Variants in NPAS3 observed in about 807,000 individuals in gnomAD.
NPAS3 encodes neuronal PAS domain-containing protein 3.
A neutral mutation model predicts 73.1 loss-of-function variants in NPAS3; 14 were observed. The observed-to-expected ratio is 0.19, with a 90% CI of 0.13 to 0.30. NPAS3 has a LOEUF of 0.30. Ranked by LOEUF, NPAS3 falls within the 10% of genes least tolerant of loss-of-function variation. NPAS3 has a pLI of 1.00. For synonymous variants in NPAS3, 620 were observed against 541.5 expected, an observed-to-expected ratio of 1.14 and a Z score of -2.01; for missense variants, 1,096 against 1,250.0, an observed-to-expected ratio of 0.88 and a Z score of 1.86.
At chr14:33,383,168 T>C (rs1488972338) in intron 4 of NPAS3, among the ~76,000 whole-genome samples, 1 of 152,032 alleles carries the variant, frequency 6.6e-6, no homozygotes, top group African/African-American at 2.4e-5. Context: ...TGAAAAAATT[T>C]CAAAATGGTT....
intron 4 of NPAS3, among the ~76,000 whole-genome samples, chr14:33,436,967 C>T (rs1186940394): frequency 6.6e-6 from 1 of 152,104 alleles, no homozygotes; most frequent in Admixed American, 6.5e-5. Flanking sequence ...AGTTCTGGCC[C>T]ACACTACCCC....
intron 5 of NPAS3, among the ~76,000 whole-genome samples, chr14:33,618,170 G>A (rs1162901519): frequency 6.6e-6 from 1 of 152,138 alleles, no homozygotes; most frequent in Non-Finnish European, 1.5e-5. Context: ...TTGGCACCAG[G>A]AACCAGTTTC....
intron 6 of NPAS3, among the ~76,000 whole-genome samples, chr14:33,710,716 GT>G (rs2060794757): frequency 6.6e-6 from 1 of 152,204 alleles, no homozygotes; most frequent in Admixed American, 6.5e-5. Context: ...TATAGGCTGA[GT>G]GTCCCTAGGA....
chr14:33,044,278 C>A (rs1043647647), intron 1 of NPAS3, among the ~76,000 whole-genome samples: 1 of 152,092 alleles, frequency 6.6e-6, no homozygotes, highest in African/African-American at 2.4e-5. Flanking sequence ...TCATTTTTGT[C>A]ATTTCTTTTC....
intron 4 of NPAS3, among the ~76,000 whole-genome samples, chr14:33,369,227 A>G (rs530135942): frequency 6.6e-6 from 1 of 152,074 alleles, no homozygotes; most frequent in African/African-American, 2.4e-5. Context: ...TGGTTGCATC[A>G]GCTGTCACAC....
intron 2 of NPAS3, among the ~76,000 whole-genome samples, chr14:33,147,730 A>AAAATATATATATATATATATAT (rs372663411): frequency 1.5e-5 from 2 of 130,384 alleles, no homozygotes; most frequent in African/African-American, 6.5e-5. Context: ...TAGAATAAAA[A>AAAATATATATATATATATATAT]ATATATATAT....
chr14:33,016,395 C>T (rs1483681689), intron 1 of NPAS3, among the ~76,000 whole-genome samples: 1 of 112,436 alleles, frequency 8.9e-6, no homozygotes, highest in Non-Finnish European at 1.8e-5. Flanking sequence ...GTGGACATAG[C>T]AATATTCATG....
At chr14:33,438,342 A>G (rs1444948469) in intron 4 of NPAS3, among the ~76,000 whole-genome samples, 1 of 152,144 alleles carries the variant, frequency 6.6e-6, no homozygotes, top group Non-Finnish European at 1.5e-5. Flanking sequence ...GAGCAGTAAG[A>G]CTCTCCATGT....
intron 4 of NPAS3, among the ~76,000 whole-genome samples, chr14:33,545,570 G>T (rs2054805641): frequency 6.6e-6 from 1 of 152,134 alleles, no homozygotes; most frequent in African/African-American, 2.4e-5. Flanking sequence ...GTGTCCTTTT[G>T]CATTACAGCC....
chr14:33,037,989 C>T (rs2040226351), intron 1 of NPAS3, among the ~76,000 whole-genome samples: 1 of 152,218 alleles, frequency 6.6e-6, no homozygotes, highest in African/African-American at 2.4e-5. Context: ...TGATTTCCAT[C>T]TAACTTCCCC....
chr14:33,598,126 G>A (rs1013993509), intron 5 of NPAS3, among the ~76,000 whole-genome samples: 1 of 152,184 alleles, frequency 6.6e-6, no homozygotes, highest in Non-Finnish European at 1.5e-5. Context: ...CTCAGTAGGA[G>A]GCACATTCTC....
At chr14:33,715,974 C>A (rs1007241901) in intron 6 of NPAS3, among the ~76,000 whole-genome samples, 1 of 152,176 alleles carries the variant, frequency 6.6e-6, no homozygotes, top group African/African-American at 2.4e-5. Flanking sequence ...GATTGTGAGG[C>A]CTCCTCATCC....
intron 5 of NPAS3, among the ~76,000 whole-genome samples, chr14:33,655,647 G>A (rs956942847): frequency 6.6e-6 from 1 of 152,170 alleles, no homozygotes; most frequent in South Asian, 2.1e-4. Context: ...GGATGACTCA[G>A]GAAGCCCAAA....
At chr14:33,511,660 C>T (rs539533018) in intron 4 of NPAS3, among the ~76,000 whole-genome samples, 4 of 152,136 alleles carry the variant, frequency 2.6e-5, no homozygotes, top group African/African-American at 9.6e-5. Flanking sequence ...ATCCTGCTCA[C>T]TGGTAGGCAG....
At chr14:33,762,079 T>A (rs2062310300) in intron 7 of NPAS3, among the ~76,000 whole-genome samples, 1 of 152,228 alleles carries the variant, frequency 6.6e-6, no homozygotes, top group Non-Finnish European at 1.5e-5. Flanking sequence ...TTAGGCATTA[T>A]AACTGCAGTA....
At chr14:33,724,919 C>T (rs1309700984) in intron 6 of NPAS3, among the ~76,000 whole-genome samples, 3 of 152,106 alleles carry the variant, frequency 2.0e-5, no homozygotes, top group African/African-American at 7.2e-5. Flanking sequence ...AGAAATTCAT[C>T]CTAAGAGATA....
At chr14:33,143,229 C>T (rs866396075) in intron 2 of NPAS3, among the ~76,000 whole-genome samples, 6 of 152,166 alleles carry the variant, frequency 3.9e-5, no homozygotes, top group African/African-American at 1.4e-4. Flanking sequence ...CGGTGGCTCA[C>T]GCCTGTAATC....
chr14:33,377,337 C>T (rs1011922570), intron 4 of NPAS3, among the ~76,000 whole-genome samples: 4 of 152,202 alleles, frequency 2.6e-5, no homozygotes, highest in Admixed American at 1.3e-4. Flanking sequence ...TATCTTATTA[C>T]GTGACCTCCT....
At chr14:33,298,303 G>A (rs1044131788) in intron 3 of NPAS3, among the ~76,000 whole-genome samples, 4 of 152,162 alleles carry the variant, frequency 2.6e-5, no homozygotes, top group African/African-American at 9.6e-5. Context: ...AGAGATTTTT[G>A]AGGCACTTCC....
Sources: gnomAD v4.1 joint callset for allele counts (sites outside exome capture counted in the v4.1 genomes callset) on GRCh38, gnomAD v4.1.1 for gene constraint, MANE v1.5 for transcripts, NCBI Gene and HGNC (gene_info 2026-07-23, HGNC 2026-07-21) for gene names.